Variants in KIF12 observed in about 807,000 individuals in gnomAD.
The protein encoded by KIF12 is kinesin family member 12.
KIF12 carries 80 observed loss-of-function variants against 87.9 expected under a neutral mutation model. That is an observed-to-expected ratio of 0.91 (90% CI 0.76 to 1.10). The LOEUF (loss-of-function observed/expected upper bound fraction) is 1.10. Ranked by LOEUF, KIF12 falls within the 50% of genes least tolerant of loss-of-function variation. KIF12 has a pLI of 0.00. For missense variants in KIF12, 819 were observed against 865.3 expected, an observed-to-expected ratio of 0.95 and a Z score of 0.67; for synonymous variants, 353 against 348.5, an observed-to-expected ratio of 1.01 and a Z score of -0.14.
intron 3 of KIF12, 79 bp from the exon 4 acceptor site, chr9:114,098,508 G>A (rs956838781): frequency 2.9e-6 from 3 of 1,034,072 alleles, no homozygotes; most frequent in Non-Finnish European, 3.9e-6. Flanking sequence ...CCGTGGAGGA[G>A]GGCGGGGCAC....
Position 114,096,092 on chromosome 9 carries a change from A to T in KIF12, c.854T>A (p.Met285Lys), listed in dbSNP as rs149715619. The T allele has an allele frequency of 2.9e-5, 47 of 1,613,672 alleles. No individual in the cohort carries two copies. Among genetic ancestry groups the T allele is most frequent in the Non-Finnish European group, 3.9e-5 (46 of 1,180,024 alleles). ...TCGGTTGATGCTGTTAGCCTCAAGC[A>T]TCAGCTCCCCACGGGATCCCGTGGC... ...VAATGSRGEL[M>K]LEANSINRSL... is the part of the protein sequence containing the mutation. Residue 285 changes from methionine to lysine, a missense_variant, in exon 9 of 19, where the codon ATG becomes AAG. Physicochemically the swap from Met to Lys is moderately conservative, Grantham distance 95. Coordinates refer to ENST00000640217, the MANE Select transcript of KIF12 (RefSeq NM_001388308.1).
intron 18 of KIF12, 146 bp downstream of exon 18, chr9:114,092,187 T>C: frequency 1.4e-6 from 2 of 1,426,862 alleles, no homozygotes; most frequent in Non-Finnish European, 1.8e-6. Context: ...AAAAAGAGAA[T>C]TCCAAGTTTG....
chr9:114,098,161 T>C lies in KIF12; in HGVS notation c.329A>G (p.Gln110Arg), dbSNP rs1450787003. The change falls in exon 5 of 19, where the codon CAG becomes CGG. Residue 110 changes from glutamine to arginine, a missense_variant. Physicochemically the swap from Gln to Arg is conservative, Grantham distance 43. Transcript: ENST00000640217. ...GGTGTAGGTCTTCCCAGAGCCCGTCTGGCCAAAGGTGAAAACAGTGCAGGA... is the reference window on the plus strand; with the variant it reads ...GGTGTAGGTCTTCCCAGAGCCCGTCCGGCCAAAGGTGAAAACAGTGCAGGA... Reference protein sequence around the residue: ...GFSCTVFTFGQTGSGKTYTLT... With the variant: ...GFSCTVFTFGRTGSGKTYTLT... 6.5e-7 allele frequency: 1 copy of C among 1,548,562 alleles called. No individual in the cohort carries two copies. Among genetic ancestry groups the C allele is most frequent in the Non-Finnish European group, 8.7e-7 (1 of 1,146,400 alleles).
intron 18 of KIF12, 95 bp downstream of exon 18, chr9:114,092,238 C>G: frequency 6.7e-7 from 1 of 1,484,116 alleles, no homozygotes. Flanking sequence ...CAACACCCAC[C>G]CCATTTCAGA....
In KIF12 at chr9:114,096,420, A is replaced by G; in HGVS notation, c.705T>C (p.His235=). The G allele has an allele frequency of 6.2e-7, 1 of 1,613,236 alleles. No homozygotes were observed. The highest frequency in any genetic ancestry group is 1.3e-5 in the African/African-American group (1 of 75,048). Residue 235 remains histidine, a synonymous_variant, in exon 8 of 19, where the codon CAT becomes CAC. Coordinates refer to ENST00000640217, the MANE Select transcript of KIF12 (RefSeq NM_001388308.1). ...HTLNQASSRS[H]ALLTLYISRQ... The stretch of plus-strand genomic sequence containing the variant: ...GGCTGATGTAAAGGGTGAGCAGGGC[A>G]TGGCTTCGGCTGGAGGCCTGGTTCA...
chr9:114,097,368 G>A lies in KIF12; in HGVS notation c.579C>T (p.Phe193=). The change falls in exon 7 of 19, where the codon TTC becomes TTT. Residue 193 remains phenylalanine, a synonymous_variant. Coordinates refer to ENST00000640217, the MANE Select transcript of KIF12 (RefSeq NM_001388308.1). ...CCACCACCCGCAGCTGCTCCACATA[G>A]AAGCCCCGAGTCTTGTTCCAGCGAA... ...LPVRWNKTRG[F]YVEQLRVVEF... is the part of the protein sequence containing the mutation. 5.0e-6 allele frequency: 8 copies of A among 1,609,710 alleles called. No homozygotes were observed. Among genetic ancestry groups the A allele is most frequent in the Non-Finnish European group, 6.8e-6 (8 of 1,178,986 alleles).
intron 9 of KIF12, 61 bp from the exon 10 acceptor site, chr9:114,095,393 G>C: frequency 1.3e-6 from 2 of 1,540,752 alleles, no homozygotes; most frequent in Non-Finnish European, 1.8e-6. Context: ...ATCAGGCTGG[G>C]ATGCTGCAGA....
chr9:114,093,179 G>C, intron 16 of KIF12, 50 bp downstream of exon 16: 1 of 1,451,686 alleles, frequency 6.9e-7, no homozygotes, highest in South Asian at 1.2e-5. Context: ...CCTGGATCAA[G>C]GTCTCCAGTT....
Position 114,098,207 on chromosome 9 carries a change from C to G in KIF12, c.300-17G>C. The G allele has an allele frequency of 6.5e-7, 1 of 1,538,980 alleles. No homozygotes were observed. The highest frequency in any genetic ancestry group is 8.7e-7 in the Non-Finnish European group (1 of 1,143,416). On this transcript the variant is annotated splice_polypyrimidine_tract_variant and intron_variant, in intron 4 of 18. Transcript: ENST00000640217. Reference sequence around the variant, plus strand: ...CAGGAGAAACTGCGGGCGGCAAGGGCGTGGCTGGACTCCGGCGGCTACCCG... The same window carrying G: ...CAGGAGAAACTGCGGGCGGCAAGGGGGTGGCTGGACTCCGGCGGCTACCCG...
intron 11 of KIF12, 53 bp downstream of exon 11, chr9:114,094,970 G>T: frequency 1.4e-6 from 2 of 1,454,626 alleles, no homozygotes; most frequent in South Asian, 2.7e-5. Context: ...ACTCCTGCCT[G>T]ATCCCCCAGC....
intron 10 of KIF12, 24 bp downstream of exon 10, chr9:114,095,190 C>A: frequency 6.2e-7 from 1 of 1,612,492 alleles, no homozygotes; most frequent in Non-Finnish European, 8.5e-7. Flanking sequence ...ACCCAACCTT[C>A]CCTGCCAGGC....
intron 5 of KIF12, 108 bp from the exon 6 acceptor site, chr9:114,097,849 G>C (rs1470287747): frequency 7.8e-7 from 1 of 1,287,452 alleles, no homozygotes; most frequent in Admixed American, 2.4e-5. Flanking sequence ...CCCAAACAAT[G>C]GCTCATTTAA....
intron 11 of KIF12, among the ~76,000 whole-genome samples, 196 bp from the exon 12 acceptor site, chr9:114,094,651 T>A (rs773967379): frequency 4.6e-5 from 7 of 152,154 alleles, no homozygotes; most frequent in Non-Finnish European, 8.8e-5. Context: ...AGGGCCCCAC[T>A]CTGAGCTGGA....
rs1420104273 is a variant in KIF12, at chr9:114,096,162, C to T, written c.784G>A (p.Gly262Arg). 1 of 1,614,006 alleles carries T rather than the reference C, an allele frequency of 6.2e-7. No individual in the cohort carries two copies. The highest frequency in any genetic ancestry group is 8.5e-7 in the Non-Finnish European group (1 of 1,180,032). ...GCCAGGTCCACAAAGCACAGCTTCC[C>T]ACCAACAGGGGGCTCCCCAGGGTCC... ...SVDPGEPPVGGKLCFVDLAGS... is the reference protein window; with the variant it reads ...SVDPGEPPVGRKLCFVDLAGS... Residue 262 changes from glycine (G) to arginine (R), a missense_variant, in exon 9 of 19, where the codon GGG becomes AGG. Coordinates refer to ENST00000640217, the MANE Select transcript of KIF12 (RefSeq NM_001388308.1).
rs987666089 is a variant in KIF12 at position 114,093,591 on chromosome 9, G to A, written c.1401-94C>T. 54 of 1,022,054 alleles carry A rather than the reference G, an allele frequency of 5.3e-5. No homozygotes were observed. In the African/African-American group the frequency reaches 5.3e-4, roughly 10 times the overall value. The allele number at this position is 1,022,054 out of a possible 1,614,324, so 63.3% of individuals were successfully genotyped here. A position where few individuals can be genotyped will look rare whatever the true frequency, so the allele number is the denominator to read the frequency against. On this transcript the variant is annotated intron_variant, in intron 14 of 18. Coordinates refer to ENST00000640217, the MANE Select transcript of KIF12 (RefSeq NM_001388308.1). ...TTCCCAGCTAATACTCCTGGATCCC[G>A]TACCAGGTACCGGGCCCCATTCTCA...
At position 114,093,906 on chromosome 9, in the gene KIF12, C is replaced by CCCCA; in HGVS notation, c.1379_1380insTGGG (p.Gln460HisfsTer79). 1 of 1,614,100 alleles carries CCCCA rather than the reference C, an allele frequency of 6.2e-7. No individual in the cohort carries two copies. Among genetic ancestry groups the CCCCA allele is most frequent in the Non-Finnish European group, 8.5e-7 (1 of 1,180,000 alleles). On this transcript the variant is annotated frameshift_variant, in exon 14 of 19. Transcript: ENST00000640217. LOFTEE classifies it high-confidence loss of function. ...CTTACCTCTCTAGTGCATGGACCTGCTGGGCCAGGATGCGCTGCTCATTCT... is the reference window on the plus strand; with the variant it reads ...CTTACCTCTCTAGTGCATGGACCTGCCCCATGGGCCAGGATGCGCTGCTCATTCT...
intron 14 of KIF12, 78 bp from the exon 15 acceptor site, chr9:114,093,575 A>C: frequency 8.6e-7 from 1 of 1,165,152 alleles, no homozygotes; most frequent in African/African-American, 1.5e-5. Flanking sequence ...CTTCCCAGCT[A>C]ATACTCCTGG....
At chr9:114,094,310 C>T (rs759045422) in intron 12 of KIF12, 39 bp from the exon 13 acceptor site, 1 of 1,610,966 alleles carries the variant, frequency 6.2e-7, no homozygotes. Context: ...ACAGGAGCCC[C>T]AGACCCTATC....
intron 7 of KIF12, among the ~76,000 whole-genome samples, chr9:114,096,778 G>T (rs1301423248): frequency 6.6e-6 from 1 of 152,210 alleles, no homozygotes; most frequent in African/African-American, 2.4e-5. Context: ...CAGCTGAGAG[G>T]TGTGGCACAG....
Sources: allele counts gnomAD v4.1 joint callset (sites outside exome capture counted in the v4.1 genomes callset), GRCh38; gene constraint gnomAD v4.1.1; transcripts MANE v1.5; gene names NCBI Gene and HGNC (gene_info 2026-07-23, HGNC 2026-07-21).